Variants in PCMTD1 observed in about 807,000 individuals in gnomAD.
PCMTD1 encodes the protein protein-L-isoaspartate O-methyltransferase domain-containing protein 1.
In PCMTD1, 12 loss-of-function variants were observed where a neutral mutation model predicts 37.6. The observed-to-expected ratio is 0.32, with a 90% CI of 0.20 to 0.52. The LOEUF is 0.52. Ranked by LOEUF, PCMTD1 falls within the 20% of genes least tolerant of loss-of-function variation. The pLI, the probability that PCMTD1 is intolerant of heterozygous loss-of-function variation, is 0.97. For synonymous variants in PCMTD1, 117 were observed against 135.8 expected (o/e 0.86, Z 0.96); for missense variants, 235 against 421.3 (o/e 0.56, Z 3.87).
chr8:51,832,686 A>G (rs1315099645), intron 4 of PCMTD1, among the ~76,000 whole-genome samples: 2 of 152,242 alleles, frequency 1.3e-5, no homozygotes, highest in African/African-American at 4.8e-5. Flanking sequence ...TTTATTCATT[A>G]TACCTAATAA....
chr8:51,862,374 TCACA>T (rs1221243546), intron 1 of PCMTD1, among the ~76,000 whole-genome samples: 2 of 119,020 alleles, frequency 1.7e-5, no homozygotes, highest in African/African-American at 5.2e-5. Context: ...ACACACACAC[TCACA>T]CACACATACA....
chr8:51,863,060 C>G (rs1469137832), intron 1 of PCMTD1, among the ~76,000 whole-genome samples: 1 of 150,950 alleles, frequency 6.6e-6, no homozygotes, highest in East Asian at 1.9e-4. Flanking sequence ...GCCTTTAGCA[C>G]AAGTCAACTT....
intron 1 of PCMTD1, among the ~76,000 whole-genome samples, chr8:51,890,618 C>T (rs1421678275): frequency 6.6e-6 from 1 of 152,204 alleles, no homozygotes; most frequent in Non-Finnish European, 1.5e-5. Flanking sequence ...TATAATGATA[C>T]ATAATCAGAA....
intron 1 of PCMTD1, among the ~76,000 whole-genome samples, chr8:51,893,787 T>C (rs906444236): frequency 3.3e-5 from 5 of 152,104 alleles, no homozygotes; most frequent in African/African-American, 1.2e-4. Flanking sequence ...ACACACACAA[T>C]TAAAAACTCA....
intron 1 of PCMTD1, among the ~76,000 whole-genome samples, chr8:51,878,451 G>A (rs2038746393): frequency 6.6e-6 from 1 of 152,062 alleles, no homozygotes; most frequent in Admixed American, 6.6e-5. Flanking sequence ...ATAACTACAT[G>A]AATTGTGAGT....
intron 2 of PCMTD1, among the ~76,000 whole-genome samples, chr8:51,850,791 TG>T (rs2038293645): frequency 6.6e-6 from 1 of 152,198 alleles, no homozygotes; most frequent in Admixed American, 6.5e-5. Context: ...TAAATTACAA[TG>T]ATATTTTATT....
intron 1 of PCMTD1, 112 bp downstream of exon 1, chr8:51,898,818 T>G (rs2039051342): frequency 9.5e-7 from 1 of 1,056,568 alleles, no homozygotes. Flanking sequence ...ACTCTTCGGC[T>G]GCCGTCCCCC....
intron 3 of PCMTD1, among the ~76,000 whole-genome samples, chr8:51,833,994 C>T (rs753012952): frequency 1.3e-5 from 2 of 152,060 alleles, no homozygotes; most frequent in Non-Finnish European, 2.9e-5. Context: ...AATATTGTGA[C>T]ACCCCCCAAA....
chr8:51,834,844 T>C (rs2038046884), intron 3 of PCMTD1, among the ~76,000 whole-genome samples: 1 of 152,184 alleles, frequency 6.6e-6, no homozygotes. Context: ...TCTTGTCTTT[T>C]TGTTGGAAGG....
At chr8:51,864,887 A>G (rs2038528128) in intron 1 of PCMTD1, among the ~76,000 whole-genome samples, 1 of 152,076 alleles carries the variant, frequency 6.6e-6, no homozygotes, top group Admixed American at 6.5e-5. Flanking sequence ...AGAAAACAGA[A>G]AAGATCAGTG....
chr8:51,891,171 C>T (rs974244692), intron 1 of PCMTD1, among the ~76,000 whole-genome samples: 70 of 152,250 alleles, frequency 4.6e-4, no homozygotes, highest in African/African-American at 1.6e-3. Context: ...ATCGCAGGAG[C>T]TCAGAAATGG....
At chr8:51,843,218 T>C (rs2038172739) in intron 3 of PCMTD1, among the ~76,000 whole-genome samples, 1 of 151,844 alleles carries the variant, frequency 6.6e-6, no homozygotes, top group Admixed American at 6.6e-5. Flanking sequence ...TTATGCAAAA[T>C]GTTTCATTAT....
At chr8:51,827,382 A>C in intron 5 of PCMTD1, 1 of 733,422 alleles carries the variant, frequency 1.4e-6, no homozygotes, top group Non-Finnish European at 2.1e-6. Context: ...TAAATGGAAA[A>C]ATTGAGAAAT....
intron 3 of PCMTD1, among the ~76,000 whole-genome samples, chr8:51,840,204 A>G (rs1389441770): frequency 6.6e-6 from 1 of 152,200 alleles, no homozygotes; most frequent in African/African-American, 2.4e-5. Flanking sequence ...AGTAACAAAA[A>G]CAATCTCCAA....
chr8:51,872,777 T>C (rs1360284137), intron 1 of PCMTD1, among the ~76,000 whole-genome samples: 2 of 152,214 alleles, frequency 1.3e-5, no homozygotes, highest in African/African-American at 4.8e-5. Flanking sequence ...CTTCCATGAA[T>C]ATACCATAAA....
intron 5 of PCMTD1, among the ~76,000 whole-genome samples, chr8:51,824,637 A>C (rs893537063): frequency 2.6e-5 from 4 of 152,228 alleles, no homozygotes; most frequent in Admixed American, 6.5e-5. Flanking sequence ...TAATTTATAG[A>C]TTCAATGCTA....
At position 51,855,895 on chromosome 8, in the gene PCMTD1, C is replaced by A. The variant is rs537572026; in HGVS notation, c.307+4950G>T. Among the ~76,000 whole-genome samples, 14 of 152,138 alleles carry A rather than the reference C, an allele frequency of 9.2e-5. No homozygotes were observed. In the East Asian group the frequency reaches 2.7e-3, roughly 30 times the overall value. On this transcript the variant is annotated intron_variant, in intron 2 of 5. Coordinates refer to ENST00000522514, the MANE Select transcript of PCMTD1 (RefSeq NM_052937.4). ...GTGTTAGCCAGGATGGTCTCAATCTCCTGACCTTGTGATCCACCCGCCTTG... is the reference window on the plus strand; with the variant it reads ...GTGTTAGCCAGGATGGTCTCAATCTACTGACCTTGTGATCCACCCGCCTTG...
intron 1 of PCMTD1, among the ~76,000 whole-genome samples, chr8:51,867,360 AAAT>A (rs1313484365): frequency 6.6e-6 from 1 of 151,980 alleles, no homozygotes. Context: ...AAAAAGATTG[AAAT>A]TAGTATGTCA....
chr8:51,877,848 CT>C (rs1205214689), intron 1 of PCMTD1, among the ~76,000 whole-genome samples: 1 of 152,222 alleles, frequency 6.6e-6, no homozygotes, highest in African/African-American at 2.4e-5. Flanking sequence ...ATTAAAGTTC[CT>C]GATTTTAATA....
Sources: gnomAD v4.1 joint callset for allele counts (sites outside exome capture counted in the v4.1 genomes callset) on GRCh38, gnomAD v4.1.1 for gene constraint, MANE v1.5 for transcripts, NCBI Gene and HGNC (gene_info 2026-07-23, HGNC 2026-07-21) for gene names.